Variants in BCAT1 observed in about 807,000 individuals in gnomAD.
BCAT1 encodes branched-chain-amino-acid aminotransferase, cytosolic.
BCAT1 carries 48 observed loss-of-function variants against 52.4 expected under a neutral mutation model. The observed-to-expected ratio is 0.92, with a 90% CI of 0.73 to 1.16. The LOEUF is 1.16. BCAT1 is among the 50% of genes most tolerant of loss of function. The probability of loss-of-function intolerance (pLI) is 0.00; values close to 1 mark genes in which losing one functional copy is unlikely to be tolerated. For missense variants in BCAT1, 451 were observed against 457.1 expected, an observed-to-expected ratio of 0.99 and a Z score of 0.12; for synonymous variants, 167 against 161.3, an observed-to-expected ratio of 1.04 and a Z score of -0.27.
At chr12:24,902,984 G>A (rs1287096867) in intron 1 of BCAT1, 2 of 1,476,722 alleles carry the variant, frequency 1.4e-6, no homozygotes, top group Non-Finnish European at 1.8e-6. Flanking sequence ...AAGCGGGCTG[G>A]CCATGGGGAG....
At chr12:24,846,006 T>C (rs1468127864) in intron 6 of BCAT1, among the ~76,000 whole-genome samples, 2 of 152,250 alleles carry the variant, frequency 1.3e-5, no homozygotes, top group Admixed American at 1.3e-4. Context: ...TTTTTTCATA[T>C]ACAAAATGCC....
chr12:24,887,401 C>T (rs1349541654), intron 3 of BCAT1, among the ~76,000 whole-genome samples: 2 of 152,030 alleles, frequency 1.3e-5, no homozygotes, highest in Non-Finnish European at 2.9e-5. Flanking sequence ...GGGGTATTCA[C>T]ACGTGTGCAA....
intron 3 of BCAT1, among the ~76,000 whole-genome samples, chr12:24,889,863 C>T (rs1219809535): frequency 2.6e-5 from 4 of 152,102 alleles, no homozygotes; most frequent in Non-Finnish European, 4.4e-5. Flanking sequence ...AGACCCTCTC[C>T]GGTGAAGGTC....
intron 10 of BCAT1, among the ~76,000 whole-genome samples, chr12:24,820,588 G>A (rs1363319317): frequency 6.6e-6 from 1 of 152,142 alleles, no homozygotes; most frequent in Non-Finnish European, 1.5e-5. Flanking sequence ...ATGTTTGGTA[G>A]GGCGGCTGTA....
chr12:24,861,571 G>A (rs904494071), intron 5 of BCAT1, among the ~76,000 whole-genome samples: 14 of 152,148 alleles, frequency 9.2e-5, no homozygotes, highest in Non-Finnish European at 8.8e-5. Context: ...GAATAGTTAC[G>A]CAAAAATATC....
intron 7 of BCAT1, among the ~76,000 whole-genome samples, chr12:24,841,767 G>C (rs1414796414): frequency 2.0e-5 from 3 of 152,040 alleles, no homozygotes; most frequent in Non-Finnish European, 4.4e-5. Flanking sequence ...AAATTAGCTG[G>C]GCATGGTGGC....
At chr12:24,842,543 C>A (rs531654658) in intron 6 of BCAT1, among the ~76,000 whole-genome samples, 17 of 152,128 alleles carry the variant, frequency 1.1e-4, no homozygotes, top group African/African-American at 3.6e-4. Context: ...TTCCACACAC[C>A]AAGCAATTTT....
In BCAT1 at chr12:24,887,061, T is replaced by TAAAAAAAA. The variant is rs1171691492; in HGVS notation, c.280-5658_280-5651dup. Among the ~76,000 whole-genome samples the TAAAAAAAA allele has an allele frequency of 5.5e-3, 42 of 7,570 alleles. 11 individuals are homozygous for TAAAAAAAA. Among genetic ancestry groups the TAAAAAAAA allele is most frequent in the East Asian group, 0.014 (2 of 146 alleles). The allele number at this position is 7,570 out of a possible 152,430, so 5.0% of individuals were successfully genotyped here. On this transcript the variant is annotated intron_variant, in intron 3 of 10. Transcript: ENST00000261192. Reference sequence around the variant, plus strand: ...CTGGAAGAACGAGAGAGATGCTAGCTAAAAAAAAAAAAAAAAAAAATATAT... The same window carrying TAAAAAAAA: ...CTGGAAGAACGAGAGAGATGCTAGCTAAAAAAAAAAAAAAAAAAAAAAAAAAAATATAT...
intron 1 of BCAT1, among the ~76,000 whole-genome samples, chr12:24,910,126 C>A (rs766183718): frequency 6.6e-6 from 1 of 152,200 alleles, no homozygotes; most frequent in Non-Finnish European, 1.5e-5. Flanking sequence ...GTAATCCCAG[C>A]ACTTTGGGAG....
At chr12:24,939,195 C>A (rs1943814020) in intron 1 of BCAT1, among the ~76,000 whole-genome samples, 1 of 152,152 alleles carries the variant, frequency 6.6e-6, no homozygotes, top group Non-Finnish European at 1.5e-5. Context: ...TTATGTATAT[C>A]TCCCTAAATA....
At chr12:24,913,866 T>C (rs897377525) in intron 1 of BCAT1, among the ~76,000 whole-genome samples, 8 of 152,132 alleles carry the variant, frequency 5.3e-5, no homozygotes, top group African/African-American at 1.9e-4. Context: ...ATAATTTCTT[T>C]ATGGCCTTAC....
chr12:24,928,980 C>T (rs1319148402), intron 1 of BCAT1, among the ~76,000 whole-genome samples: 1 of 151,970 alleles, frequency 6.6e-6, no homozygotes, highest in Non-Finnish European at 1.5e-5. Flanking sequence ...AGGCTGGCCT[C>T]GAACTCCTGA....
chr12:24,890,048 G>A (rs376187661), intron 3 of BCAT1, among the ~76,000 whole-genome samples: 3 of 152,224 alleles, frequency 2.0e-5, no homozygotes, highest in East Asian at 1.9e-4. Context: ...CCTACACATC[G>A]CTTCATCTAT....
In BCAT1 at chr12:24,914,748, C is replaced by T. The variant is rs79574848; in HGVS notation, c.7-12863G>A. ...CACTGCTCATATATTAAGTTGCTGT[C>T]ATTATTTCTTCCAAAGTTTATATCA... On this transcript the variant is annotated intron_variant, in intron 1 of 10. Transcript: ENST00000261192. 5.3e-5 allele frequency among the ~76,000 whole-genome samples: 8 copies of T among 152,320 alleles called. No homozygotes were observed. The East Asian group carries it at 1.3e-3, about 26-fold the overall frequency.
At chr12:24,943,996 A>C (rs537133259) in intron 1 of BCAT1, among the ~76,000 whole-genome samples, 2 of 152,232 alleles carry the variant, frequency 1.3e-5, no homozygotes, top group South Asian at 4.2e-4. Flanking sequence ...CAAAAGAAAA[A>C]AAAAAAAGTA....
chr12:24,885,084 G>A (rs1474899563), intron 3 of BCAT1, among the ~76,000 whole-genome samples: 1 of 151,996 alleles, frequency 6.6e-6, no homozygotes, highest in Non-Finnish European at 1.5e-5. Context: ...CCAGTATAAA[G>A]CAAGAATAAT....
chr12:24,928,949 A>G (rs1251280438), intron 1 of BCAT1, among the ~76,000 whole-genome samples: 1 of 151,904 alleles, frequency 6.6e-6, no homozygotes, highest in Non-Finnish European at 1.5e-5. Flanking sequence ...TTAGTAGAGA[A>G]GGGGTTTCCC....
chr12:24,834,326 T>G (rs563489223), intron 8 of BCAT1: 1 of 985,144 alleles, frequency 1.0e-6, no homozygotes, highest in East Asian at 1.1e-4. Context: ...TTGATTTTCA[T>G]CATGGAATTA....
rs946286803 is a variant in BCAT1, at chr12:24,811,113, G to A, written c.*6895C>T. 1 of 152,160 alleles carries A rather than the reference G, an allele frequency of 6.6e-6. No homozygotes were observed. The highest frequency in any genetic ancestry group is 1.5e-5 in the Non-Finnish European group (1 of 68,024). 9.4% of individuals were successfully genotyped at this position (152,160 alleles called of 1,614,324 possible). ...ACTACAGATAAATCCATAACCAGGG[G>A]AAGGAAGAATTTTTAAATGCCCATT... is the stretch of plus-strand genomic sequence containing the variant. On this transcript the variant is annotated 3_prime_UTR_variant, in exon 11 of 11. Coordinates refer to ENST00000261192, the MANE Select transcript of BCAT1 (RefSeq NM_005504.7).
Sources: allele counts gnomAD v4.1 joint callset (sites outside exome capture counted in the v4.1 genomes callset), GRCh38; gene constraint gnomAD v4.1.1; transcripts MANE v1.5; gene names NCBI Gene and HGNC (gene_info 2026-07-23, HGNC 2026-07-21).